Variants in SUPT3H observed in about 807,000 individuals in gnomAD.
The protein encoded by SUPT3H is transcription initiation protein SPT3 homolog.
A neutral mutation model predicts 44.3 loss-of-function variants in SUPT3H; 44 were observed. The observed-to-expected ratio is 0.99, with a 90% CI of 0.78 to 1.28. The LOEUF is 1.28. Ranked by LOEUF, SUPT3H falls within the 50% of genes most tolerant of loss-of-function variation. The probability of loss-of-function intolerance (pLI) is 0.00; values close to 1 mark genes in which losing one functional copy is unlikely to be tolerated. For missense variants in SUPT3H, 380 were observed against 387.1 expected (o/e 0.98, Z 0.15); for synonymous variants, 124 against 125.6 (o/e 0.99, Z 0.09).
chr6:45,172,641 GAGTGC>G (rs534647776), intron 2 of SUPT3H, among the ~76,000 whole-genome samples: 343 of 150,572 alleles, frequency 2.3e-3, no homozygotes, highest in African/African-American at 7.6e-3. Context: ...GCCCAGGCTG[GAGTGC>G]AGTGGCTTGA....
intron 2 of SUPT3H, among the ~76,000 whole-genome samples, chr6:45,124,508 G>A (rs1350098961): frequency 6.6e-6 from 1 of 151,846 alleles, no homozygotes; most frequent in Non-Finnish European, 1.5e-5. Context: ...AGCTGGGCAT[G>A]GTGGTGCATG....
chr6:45,244,165 T>C (rs1263640415), intron 2 of SUPT3H, among the ~76,000 whole-genome samples: 1 of 152,122 alleles, frequency 6.6e-6, no homozygotes, highest in African/African-American at 2.4e-5. Context: ...GCATGAGCCA[T>C]GGCATCTGGC....
chr6:45,328,828 T>TA (rs767517550), intron 2 of SUPT3H: 1 of 1,580,074 alleles, frequency 6.3e-7, no homozygotes, highest in Admixed American at 1.7e-5. Context: ...ATGAACCTGT[T>TA]AAACATAAAG....
intron 2 of SUPT3H, among the ~76,000 whole-genome samples, chr6:45,107,146 G>C (rs1222796032): frequency 6.6e-6 from 1 of 152,102 alleles, no homozygotes; most frequent in South Asian, 2.1e-4. Context: ...TACCTTCTTG[G>C]TAAAGAACAC....
intron 2 of SUPT3H, among the ~76,000 whole-genome samples, chr6:45,181,742 G>T (rs1300914188): frequency 6.6e-6 from 1 of 150,806 alleles, no homozygotes; most frequent in African/African-American, 2.4e-5. Context: ...GAGAGGGATA[G>T]CACTGGGAGA....
chr6:45,272,232 G>T (rs567156629), intron 2 of SUPT3H, among the ~76,000 whole-genome samples: 1 of 152,252 alleles, frequency 6.6e-6, no homozygotes, highest in South Asian at 2.1e-4. Context: ...ATGAGATTTG[G>T]GAGGGGCTAG....
At chr6:44,976,924 T>A (rs948829595) in intron 6 of SUPT3H, among the ~76,000 whole-genome samples, 1 of 152,194 alleles carries the variant, frequency 6.6e-6, no homozygotes, top group African/African-American at 2.4e-5. Context: ...AAACCTGTAA[T>A]TATGGTTATT....
At chr6:44,833,750 G>GTCTT (rs906629097) in intron 10 of SUPT3H, among the ~76,000 whole-genome samples, 6 of 151,980 alleles carry the variant, frequency 3.9e-5, no homozygotes, top group African/African-American at 1.4e-4. Flanking sequence ...ATACTACATT[G>GTCTT]TCTTACAATA....
Position 45,176,353 on chromosome 6 carries a change from T to A in SUPT3H, c.102-70347A>T, listed in dbSNP as rs1811853879. Reference sequence around the variant, plus strand: ...AATCGGGTCACTCCCACCCGAATATTGCGCTTTTCAGACCGGCTTAAAAAG... The same window carrying A: ...AATCGGGTCACTCCCACCCGAATATAGCGCTTTTCAGACCGGCTTAAAAAG... On this transcript the variant is annotated intron_variant, in intron 2 of 10. Coordinates refer to ENST00000371459, the MANE Select transcript of SUPT3H (RefSeq NM_003599.4). 2.6e-5 allele frequency among the ~76,000 whole-genome samples: 4 copies of A among 151,898 alleles called. No individual in the cohort carries two copies. The South Asian group carries it at 8.4e-4, about 32-fold the overall frequency.
chr6:45,270,815 GA>G (rs1776005501), intron 2 of SUPT3H, among the ~76,000 whole-genome samples: 1 of 152,188 alleles, frequency 6.6e-6, no homozygotes. Context: ...GGAAAGCTTG[GA>G]ACTCCCTAGA....
chr6:45,119,314 A>G (rs1439921487), intron 2 of SUPT3H, among the ~76,000 whole-genome samples: 2 of 152,162 alleles, frequency 1.3e-5, no homozygotes, highest in Admixed American at 6.5e-5. Flanking sequence ...TTAGAGGAAA[A>G]TAATCACCTG....
chr6:45,310,147 T>G (rs1033325794), intron 2 of SUPT3H, among the ~76,000 whole-genome samples: 3 of 152,202 alleles, frequency 2.0e-5, no homozygotes, highest in Non-Finnish European at 2.9e-5. Context: ...AAGTGAGGCC[T>G]GTGATTGCCG....
intron 2 of SUPT3H, among the ~76,000 whole-genome samples, chr6:45,267,906 G>C (rs1007188988): frequency 1.3e-5 from 2 of 152,184 alleles, no homozygotes; most frequent in African/African-American, 4.8e-5. Flanking sequence ...TCTGCAATGC[G>C]AGGCAGAGCT....
At chr6:45,181,912 A>T (rs1412559519) in intron 2 of SUPT3H, among the ~76,000 whole-genome samples, 1 of 151,338 alleles carries the variant, frequency 6.6e-6, no homozygotes, top group Non-Finnish European at 1.5e-5. Flanking sequence ...ATAAAACTAT[A>T]CCTTGTCTAA....
intron 2 of SUPT3H, among the ~76,000 whole-genome samples, chr6:45,283,526 G>C (rs1226111229): frequency 1.3e-5 from 2 of 152,192 alleles, no homozygotes; most frequent in East Asian, 1.9e-4. Context: ...AATTCAACAA[G>C]AAGAGCTAAC....
chr6:45,184,939 A>G lies in SUPT3H; in HGVS notation c.102-78933T>C, dbSNP rs1054570490. Among the ~76,000 whole-genome samples the G allele has an allele frequency of 2.0e-5, 3 of 152,170 alleles. No individual in the cohort carries two copies. The South Asian group carries it at 6.2e-4, about 32-fold the overall frequency. On this transcript the variant is annotated intron_variant, in intron 2 of 10. Transcript: ENST00000371459. Reference sequence around the variant, plus strand: ...TTACCACCCACTTTCAGCAGGCCAAATGGTACATTAAATTTCCACTCCAAA... The same window carrying G: ...TTACCACCCACTTTCAGCAGGCCAAGTGGTACATTAAATTTCCACTCCAAA...
chr6:45,322,403 T>C (rs972347415), intron 2 of SUPT3H, among the ~76,000 whole-genome samples: 3 of 150,886 alleles, frequency 2.0e-5, no homozygotes, highest in African/African-American at 7.3e-5. Flanking sequence ...TTAATATAAT[T>C]AAAATATATG....
At chr6:45,274,323 A>G (rs1186423409) in intron 2 of SUPT3H, among the ~76,000 whole-genome samples, 1 of 152,116 alleles carries the variant, frequency 6.6e-6, no homozygotes, top group East Asian at 1.9e-4. Flanking sequence ...TTCCTTTGTT[A>G]GCTTGTTATA....
intron 2 of SUPT3H, among the ~76,000 whole-genome samples, chr6:45,361,857 C>G (rs1177849143): frequency 1.3e-5 from 2 of 152,224 alleles, no homozygotes; most frequent in African/African-American, 4.8e-5. Context: ...TTGAGACCAG[C>G]CTGGCCAACA....
Sources: gnomAD v4.1 joint callset for allele counts (sites outside exome capture counted in the v4.1 genomes callset) on GRCh38, gnomAD v4.1.1 for gene constraint, MANE v1.5 for transcripts, NCBI Gene and HGNC (gene_info 2026-07-23, HGNC 2026-07-21) for gene names.